Variants in TBC1D22A observed in about 807,000 individuals in gnomAD.
The protein encoded by TBC1D22A is putative GTPase activator.
In TBC1D22A, 38 loss-of-function variants were observed where a neutral mutation model predicts 60.2. That is an observed-to-expected ratio of 0.63 (90% confidence interval 0.49 to 0.83). The LOEUF (loss-of-function observed/expected upper bound fraction) is 0.83. Among genes scored for constraint, TBC1D22A ranks in the 40% least tolerant of loss-of-function variants. The probability of loss-of-function intolerance (pLI) is 0.00; values close to 1 mark genes in which losing one functional copy is unlikely to be tolerated. For missense variants in TBC1D22A, 628 were observed against 701.0 expected (o/e 0.90, Z 1.18); for synonymous variants, 302 against 281.7 (o/e 1.07, Z -0.72).
At chr22:47,108,591 A>C (rs895497036) in intron 11 of TBC1D22A, among the ~76,000 whole-genome samples, 1 of 152,270 alleles carries the variant, frequency 6.6e-6, no homozygotes, top group Non-Finnish European at 1.5e-5. Flanking sequence ...AAACCTTTGG[A>C]GCCATAGATA....
rs144570292 is a variant in TBC1D22A at position 46,796,752 on chromosome 22, C to T, written c.461-692C>T. Among the ~76,000 whole-genome samples, 218 of 64,712 alleles carry T rather than the reference C, an allele frequency of 3.4e-3. 1 individual carries two copies. Among genetic ancestry groups the T allele is most frequent in the African/African-American group, 0.012 (199 of 16,566 alleles). The allele number at this position is 64,712 out of a possible 152,430, so 42.5% of individuals were successfully genotyped here. On this transcript the variant is annotated intron_variant, in intron 3 of 12. Transcript: ENST00000337137. ...CAGCAGCAGAGGGCGGGAGGGAGGG[C>T]GGGCAGCTTGTACTCTAGTGCCACT...
intron 11 of TBC1D22A, among the ~76,000 whole-genome samples, chr22:47,042,973 T>A (rs1030729752): frequency 6.6e-6 from 1 of 152,220 alleles, no homozygotes; most frequent in Non-Finnish European, 1.5e-5. Context: ...GGACAGAGCT[T>A]GATCCTGGGC....
At chr22:47,016,592 T>C (rs6008022) in intron 10 of TBC1D22A, among the ~76,000 whole-genome samples, 63,077 of 152,070 alleles carry the variant, frequency 0.41, 14,777 homozygotes, top group African/African-American at 0.65. Context: ...ATAGTGTCAG[T>C]GGGAGGTTCC....
chr22:46,855,810 G>A (rs578227922), intron 4 of TBC1D22A, among the ~76,000 whole-genome samples: 1 of 152,332 alleles, frequency 6.6e-6, no homozygotes, highest in African/African-American at 2.4e-5. Context: ...CTATGCTTCT[G>A]TGCGTTTTAT....
chr22:46,897,180 A>G (rs1460228185), intron 7 of TBC1D22A, among the ~76,000 whole-genome samples: 1 of 152,200 alleles, frequency 6.6e-6, no homozygotes, highest in African/African-American at 2.4e-5. Context: ...CAGCAAAAGC[A>G]GACATTTATT....
chr22:46,842,838 C>T (rs764353496), intron 4 of TBC1D22A, among the ~76,000 whole-genome samples: 10 of 152,210 alleles, frequency 6.6e-5, no homozygotes, highest in South Asian at 2.1e-4. Flanking sequence ...GCTGCTGTTG[C>T]GTGCCCAGGG....
intron 4 of TBC1D22A, among the ~76,000 whole-genome samples, chr22:46,840,935 G>A (rs956098392): frequency 1.2e-4 from 18 of 152,102 alleles, no homozygotes; most frequent in Non-Finnish European, 1.9e-4. Context: ...AATGAAGTCA[G>A]TGCCTCGTAG....
At chr22:46,831,603 A>G (rs986900825) in intron 4 of TBC1D22A, among the ~76,000 whole-genome samples, 2 of 152,202 alleles carry the variant, frequency 1.3e-5, no homozygotes, top group Admixed American at 6.5e-5. Context: ...AGAGCTTACC[A>G]AACAATCCCC....
Position 47,111,449 on chromosome 22 carries a change from C to T in TBC1D22A, c.1330-59C>T. The T allele has an allele frequency of 3.4e-6, 5 of 1,482,666 alleles. No individual in the cohort carries two copies. The South Asian group carries it at 5.8e-5, about 17-fold the overall frequency. 91.8% of individuals were successfully genotyped at this position (1,482,666 alleles called of 1,614,324 possible). A position where few individuals can be genotyped will look rare whatever the true frequency, so the allele number is the denominator to read the frequency against. On this transcript the variant is annotated intron_variant, in intron 11 of 12. Transcript: ENST00000337137. ...ACCCTGACTGTCGCAGATAACCTCG[C>T]AGTGATGTTAATGGGTCACGCGTTA...
At chr22:46,821,290 GGTTATTTTGCACACTA>G (rs1217601131) in intron 4 of TBC1D22A, among the ~76,000 whole-genome samples, 1 of 152,072 alleles carries the variant, frequency 6.6e-6, no homozygotes. Flanking sequence ...GATGCTATCT[GGTTATTTTGCACACTA>G]GTTGATGCAG....
At chr22:46,953,035 C>G (rs191041532) in intron 8 of TBC1D22A, among the ~76,000 whole-genome samples, 5 of 152,318 alleles carry the variant, frequency 3.3e-5, no homozygotes, top group Admixed American at 3.3e-4. Context: ...ACTGCACTCT[C>G]TGGAAGGAAG....
chr22:47,016,152 A>G (rs1374239246), intron 10 of TBC1D22A, among the ~76,000 whole-genome samples: 2 of 152,166 alleles, frequency 1.3e-5, no homozygotes, highest in Non-Finnish European at 2.9e-5. Context: ...AGATTGTAGA[A>G]GCTTTTACAG....
chr22:46,836,581 A>G (rs967148505), intron 4 of TBC1D22A, among the ~76,000 whole-genome samples: 2 of 152,202 alleles, frequency 1.3e-5, no homozygotes, highest in East Asian at 1.9e-4. Flanking sequence ...CAAAAGAGCT[A>G]TAAAACAATT....
chr22:47,051,109 T>C (rs543982601), intron 11 of TBC1D22A, among the ~76,000 whole-genome samples: 70 of 120,748 alleles, frequency 5.8e-4, no homozygotes, highest in African/African-American at 3.1e-3. Flanking sequence ...GGAGGCTGGG[T>C]CATTGCAGGG....
chr22:46,891,995 T>C (rs977799373), intron 6 of TBC1D22A, among the ~76,000 whole-genome samples: 2 of 152,228 alleles, frequency 1.3e-5, no homozygotes, highest in Non-Finnish European at 2.9e-5. Context: ...TGACAGATGA[T>C]GTACATAATG....
intron 7 of TBC1D22A, among the ~76,000 whole-genome samples, chr22:46,897,548 C>T (rs1015497691): frequency 5.4e-5 from 8 of 147,664 alleles, no homozygotes; most frequent in African/African-American, 7.9e-5. Flanking sequence ...TCATCTGCCA[C>T]GCAGAAGAGG....
At chr22:46,781,145 T>TTC (rs551273712) in intron 1 of TBC1D22A, among the ~76,000 whole-genome samples, 31 of 150,266 alleles carry the variant, frequency 2.1e-4, no homozygotes, top group Middle Eastern at 3.2e-3. Flanking sequence ...ATTTTGTTTT[T>TTC]TTTTTTTTTT....
At chr22:46,829,375 C>G (rs2086209960) in intron 4 of TBC1D22A, among the ~76,000 whole-genome samples, 1 of 151,812 alleles carries the variant, frequency 6.6e-6, no homozygotes, top group African/African-American at 2.4e-5. Flanking sequence ...GAACTCACCC[C>G]CTTCATGGCC....
intron 12 of TBC1D22A, among the ~76,000 whole-genome samples, chr22:47,129,815 T>G (rs2066619974): frequency 6.6e-6 from 1 of 152,260 alleles, no homozygotes; most frequent in East Asian, 1.9e-4. Flanking sequence ...CCCAGCCTCC[T>G]CACACCGCCA....
Sources: gnomAD v4.1 joint callset for allele counts (sites outside exome capture counted in the v4.1 genomes callset) on GRCh38, gnomAD v4.1.1 for gene constraint, MANE v1.5 for transcripts, NCBI Gene and HGNC (gene_info 2026-07-23, HGNC 2026-07-21) for gene names.